Variants in MALRD1 observed in about 807,000 individuals in gnomAD.
MALRD1 encodes MAM and LDL receptor class A domain containing 1.
Under a neutral mutation model 242.1 loss-of-function variants are expected in MALRD1, and 247 were observed. The ratio of observed to expected loss-of-function variants is 1.02; its 90% CI spans 0.92 to 1.13. The LOEUF (loss-of-function observed/expected upper bound fraction) is 1.13. MALRD1 is among the 50% of genes most tolerant of loss of function. MALRD1 has a pLI of 0.00. For missense variants in MALRD1, 2,989 were observed against 2,533.1 expected, an observed-to-expected ratio of 1.18 and a Z score of -3.86; for synonymous variants, 995 against 866.6, an observed-to-expected ratio of 1.15 and a Z score of -2.60.
chr10:19,230,803 C>T (rs2131694837), intron 18 of MALRD1, among the ~76,000 whole-genome samples: 1 of 152,238 alleles, frequency 6.6e-6, no homozygotes, highest in South Asian at 2.1e-4. Flanking sequence ...AAATGCAAGG[C>T]AAAACACATG....
chr10:19,104,533 A>G (rs1836395188), intron 5 of MALRD1, among the ~76,000 whole-genome samples: 1 of 152,058 alleles, frequency 6.6e-6, no homozygotes, highest in Non-Finnish European at 1.5e-5. Context: ...ATAAATTTTT[A>G]TTTATATTGT....
intron 36 of MALRD1, among the ~76,000 whole-genome samples, chr10:19,657,237 T>C (rs34655750): frequency 0.11 from 16,392 of 152,230 alleles, 2,248 homozygotes; most frequent in African/African-American, 0.32. Context: ...TTTTGCTTTG[T>C]GGACTAATCT....
chr10:19,732,909 T>C (rs933238432), intron 39 of MALRD1, among the ~76,000 whole-genome samples: 5 of 152,236 alleles, frequency 3.3e-5, no homozygotes, highest in African/African-American at 1.2e-4. Flanking sequence ...ATGTTTATTT[T>C]CTATTTCGAT....
At chr10:19,148,784 A>ATATATATATATATATATAT (rs1309198981) in intron 11 of MALRD1, among the ~76,000 whole-genome samples, 7 of 63,926 alleles carry the variant, frequency 1.1e-4, no homozygotes, top group African/African-American at 3.2e-4. Flanking sequence ...AAAAAAAAAA[A>ATATATATATATATATATAT]AAAAATATAT....
chr10:19,643,010 A>G (rs890984009), intron 36 of MALRD1, among the ~76,000 whole-genome samples: 2 of 152,318 alleles, frequency 1.3e-5, no homozygotes, highest in Middle Eastern at 3.4e-3. Context: ...AGTTAGTTTG[A>G]ACGTTGCCAT....
intron 33 of MALRD1, 142 bp downstream of exon 33, chr10:19,567,845 A>C: frequency 2.8e-6 from 2 of 718,236 alleles, no homozygotes; most frequent in South Asian, 4.0e-5. Context: ...ATATACTAAG[A>C]AGTAAAGTTT....
At chr10:19,155,463 G>T (rs1455362778) in intron 12 of MALRD1, among the ~76,000 whole-genome samples, 1 of 151,980 alleles carries the variant, frequency 6.6e-6, no homozygotes. Flanking sequence ...AAAATTTTTG[G>T]CCAACAGTGT....
chr10:19,715,761 C>T lies in MALRD1; in HGVS notation c.6315-14945C>T, dbSNP rs889023631. ...GGTGAGGCCTCAGGCAACTTACAAT[C>T]ATGGCGGAAGGCAAAGGGGAAACTG... is the stretch of plus-strand genomic sequence containing the variant. On this transcript the variant is annotated intron_variant, in intron 38 of 39. Coordinates refer to ENST00000454679, the MANE Select transcript of MALRD1 (RefSeq NM_001142308.3). 5.9e-5 allele frequency among the ~76,000 whole-genome samples: 9 copies of T among 152,218 alleles called. No individual in the cohort carries two copies. In the East Asian group the frequency reaches 7.7e-4, roughly 13 times the overall value.
rs1174673634 is a variant in MALRD1 at position 19,148,773 on chromosome 10, T to TAAA, written c.1558+2443_1558+2445dup. ...CTTTCTCATTTTAGAAAGGGCCAAT[T>TAAA]AAAAAAAAAAAAAAAATATATATAT... On this transcript the variant is annotated intron_variant, in intron 11 of 39. Transcript: ENST00000454679. Among the ~76,000 whole-genome samples, 392 of 114,404 alleles carry TAAA rather than the reference T, an allele frequency of 3.4e-3. 7 individuals are homozygous for TAAA. Among genetic ancestry groups the TAAA allele is most frequent in the African/African-American group, 3.8e-3 (115 of 30,358 alleles). 75.1% of individuals were successfully genotyped at this position (114,404 alleles called of 152,430 possible).
At chr10:19,298,646 A>C (rs184211675) in intron 21 of MALRD1, among the ~76,000 whole-genome samples, 1 of 151,988 alleles carries the variant, frequency 6.6e-6, no homozygotes, top group Non-Finnish European at 1.5e-5. Context: ...TTTAAAAAGC[A>C]TCAGCAGGAC....
chr10:19,619,287 A>C lies in MALRD1; in HGVS notation c.6137+3364A>C, dbSNP rs562602517. On this transcript the variant is annotated intron_variant, in intron 36 of 39. Coordinates refer to ENST00000454679, the MANE Select transcript of MALRD1 (RefSeq NM_001142308.3). ...TTTTCTGGGAAGCCGATTCCAGCCCAGCCAGGGAGGGTCGCTTTTTCCTCC... is the reference window on the plus strand; with the variant it reads ...TTTTCTGGGAAGCCGATTCCAGCCCCGCCAGGGAGGGTCGCTTTTTCCTCC... Among the ~76,000 whole-genome samples the C allele has an allele frequency of 7.9e-5, 12 of 152,090 alleles. No homozygotes were observed. In the South Asian group the frequency reaches 2.5e-3, roughly 32 times the overall value.
chr10:19,601,093 G>T (rs986620558), intron 34 of MALRD1, among the ~76,000 whole-genome samples: 1 of 152,008 alleles, frequency 6.6e-6, no homozygotes, highest in Non-Finnish European at 1.5e-5. Flanking sequence ...GGTGGCTCAG[G>T]CTGGTTTCAA....
intron 33 of MALRD1, among the ~76,000 whole-genome samples, chr10:19,569,589 C>T (rs16919073): frequency 6.7e-6 from 1 of 149,586 alleles, no homozygotes; most frequent in African/African-American, 2.4e-5. Flanking sequence ...GTCTTCAATA[C>T]CTCTTCTTCC....
intron 19 of MALRD1, among the ~76,000 whole-genome samples, chr10:19,259,269 C>T (rs1234575834): frequency 1.3e-5 from 2 of 152,128 alleles, no homozygotes. Context: ...ATCTCATTCA[C>T]TTTTCCCTAC....
intron 28 of MALRD1, among the ~76,000 whole-genome samples, chr10:19,406,089 G>A (rs1384862592): frequency 1.3e-5 from 2 of 152,114 alleles, no homozygotes; most frequent in East Asian, 3.9e-4. Flanking sequence ...CTTTACATAT[G>A]TAAAATGATG....
At chr10:19,538,196 C>T (rs1199959187) in intron 32 of MALRD1, among the ~76,000 whole-genome samples, 1 of 152,194 alleles carries the variant, frequency 6.6e-6, no homozygotes, top group East Asian at 1.9e-4. Flanking sequence ...TTTATCTCAG[C>T]CTTCAAAGTA....
chr10:19,302,339 A>G (rs1031771477), intron 21 of MALRD1, among the ~76,000 whole-genome samples: 11 of 151,852 alleles, frequency 7.2e-5, no homozygotes. Context: ...ATACATGAGT[A>G]TTCATAACAG....
chr10:19,108,582 T>C (rs1198558207), intron 5 of MALRD1, among the ~76,000 whole-genome samples: 1 of 66,650 alleles, frequency 1.5e-5, no homozygotes, highest in Non-Finnish European at 2.6e-5. Flanking sequence ...GCCCGGCTAA[T>C]TTTTTGTATT....
chr10:19,099,016 A>G (rs574639333), intron 4 of MALRD1, among the ~76,000 whole-genome samples: 2 of 152,258 alleles, frequency 1.3e-5, no homozygotes, highest in Non-Finnish European at 1.5e-5. Context: ...TTCCCACACT[A>G]ATATTTTATT....
Sources: allele counts gnomAD v4.1 joint callset (sites outside exome capture counted in the v4.1 genomes callset), GRCh38; gene constraint gnomAD v4.1.1; transcripts MANE v1.5; gene names NCBI Gene and HGNC (gene_info 2026-07-23, HGNC 2026-07-21).